The following THEMIS variants were observed in gnomAD, a reference collection of about 807,000 sequenced individuals.
THEMIS encodes thymocyte selection associated, also known as protein THEMIS.
THEMIS carries 37 observed loss-of-function variants against 52.6 expected under a neutral mutation model. The ratio of observed to expected loss-of-function variants is 0.70; its 90% CI spans 0.54 to 0.93. The LOEUF is 0.93. Ranked by LOEUF, THEMIS falls within the 40% of genes least tolerant of loss-of-function variation. The pLI is 0.00. For missense variants in THEMIS, 808 were observed against 763.1 expected (o/e 1.06, Z -0.69); for synonymous variants, 292 against 272.7 (o/e 1.07, Z -0.70).
At chr6:127,729,565 G>C (rs1465360944) in intron 4 of THEMIS, among the ~76,000 whole-genome samples, 1 of 152,072 alleles carries the variant, frequency 6.6e-6, no homozygotes, top group Non-Finnish European at 1.5e-5. Context: ...AAAATGTCCA[G>C]TCCTTTTTCC....
rs117960986 is a variant in THEMIS at position 127,782,187 on chromosome 6, G to A, written c.1758+30696C>T. 1.1e-3 allele frequency among the ~76,000 whole-genome samples: 170 copies of A among 152,262 alleles called. 1 individual carries two copies. In the East Asian group the frequency reaches 0.025, roughly 22 times the overall value. On this transcript the variant is annotated intron_variant, in intron 4 of 5. Coordinates refer to ENST00000368248, the MANE Select transcript of THEMIS (RefSeq NM_001010923.3). Reference sequence around the variant, plus strand: ...GCTCCCAAGTCAACTTTAGACTGCTGTGCTGGTAGCGAGAATTTCAAGCCA... The same window carrying A: ...GCTCCCAAGTCAACTTTAGACTGCTATGCTGGTAGCGAGAATTTCAAGCCA...
intron 4 of THEMIS, among the ~76,000 whole-genome samples, chr6:127,794,069 G>C (rs973892911): frequency 6.6e-6 from 1 of 152,188 alleles, no homozygotes; most frequent in Non-Finnish European, 1.5e-5. Context: ...GTCAGAATTG[G>C]AGAAGTTATA....
intron 1 of THEMIS, among the ~76,000 whole-genome samples, chr6:127,915,639 C>A (rs558040542): frequency 6.7e-6 from 1 of 148,828 alleles, no homozygotes; most frequent in South Asian, 2.2e-4. Context: ...ACACATAAAC[C>A]TTTAATACCA....
intron 5 of THEMIS, among the ~76,000 whole-genome samples, chr6:127,717,613 G>A (rs1774214377): frequency 6.6e-6 from 1 of 151,764 alleles, no homozygotes; most frequent in South Asian, 2.1e-4. Flanking sequence ...CTCTTGGCTG[G>A]AATAGAGTCT....
chr6:127,868,473 C>T (rs2114370292), intron 1 of THEMIS: 1 of 985,326 alleles, frequency 1.0e-6, no homozygotes, highest in Admixed American at 6.1e-5. Context: ...TCAGCATTTC[C>T]CAACCTTCCA....
chr6:127,810,435 T>C (rs1777864089), intron 4 of THEMIS, among the ~76,000 whole-genome samples: 1 of 152,172 alleles, frequency 6.6e-6, no homozygotes, highest in Non-Finnish European at 1.5e-5. Context: ...TGTGTTTTTA[T>C]TATGTGGGCA....
intron 4 of THEMIS, among the ~76,000 whole-genome samples, chr6:127,776,950 A>C (rs758994960): frequency 3.3e-5 from 5 of 152,132 alleles, no homozygotes; most frequent in Non-Finnish European, 7.4e-5. Context: ...TCCTTGCCCT[A>C]AAGTCCATTT....
chr6:127,740,126 G>A (rs1049026332), intron 4 of THEMIS, among the ~76,000 whole-genome samples: 3 of 152,192 alleles, frequency 2.0e-5, no homozygotes, highest in Admixed American at 2.0e-4. Flanking sequence ...TCCAGGGAAA[G>A]AAGGAGGAAA....
rs1414036597 is a variant in THEMIS at position 127,709,981 on chromosome 6, C to T, written c.*4G>A. On this transcript the variant is annotated 3_prime_UTR_variant, in exon 6 of 6. Transcript: ENST00000368248. Reference sequence around the variant, plus strand: ...GCTGCCTAAGTGGCTTCTGTCACATCTTGTTATTTTTGATGTTTTTCATTT... The same window carrying T: ...GCTGCCTAAGTGGCTTCTGTCACATTTTGTTATTTTTGATGTTTTTCATTT... 1.3e-6 allele frequency: 2 copies of T among 1,588,360 alleles called. No homozygotes were observed. The highest frequency in any genetic ancestry group is 2.3e-5 in the South Asian group (2 of 86,348).
At chr6:127,835,705 A>T (rs147191097) in intron 2 of THEMIS, among the ~76,000 whole-genome samples, 1 of 152,268 alleles carries the variant, frequency 6.6e-6, no homozygotes, top group African/African-American at 2.4e-5. Context: ...AGATAACAAA[A>T]TATATGGAAT....
chr6:127,770,279 C>A (rs1398613019), intron 4 of THEMIS, among the ~76,000 whole-genome samples: 1 of 152,206 alleles, frequency 6.6e-6, no homozygotes, highest in African/African-American at 2.4e-5. Flanking sequence ...TCGTCTCCAG[C>A]ACCTATTGTT....
intron 4 of THEMIS, among the ~76,000 whole-genome samples, chr6:127,722,730 T>G (rs1774404363): frequency 6.6e-6 from 1 of 151,986 alleles, no homozygotes. Context: ...AAAACATGTC[T>G]GCTACTTTGA....
chr6:127,735,090 T>A (rs1413117401), intron 4 of THEMIS, among the ~76,000 whole-genome samples: 6 of 151,410 alleles, frequency 4.0e-5, no homozygotes, highest in African/African-American at 1.5e-4. Context: ...TATTGTTAGA[T>A]CTATAGTCTC....
chr6:127,798,220 C>G (rs887590508), intron 4 of THEMIS, among the ~76,000 whole-genome samples: 1 of 152,086 alleles, frequency 6.6e-6, no homozygotes, highest in South Asian at 2.1e-4. Context: ...AAATAGCGTG[C>G]CTTACTCTTA....
chr6:127,740,055 A>C (rs1775145737), intron 4 of THEMIS, among the ~76,000 whole-genome samples: 2 of 152,180 alleles, frequency 1.3e-5, no homozygotes, highest in South Asian at 4.1e-4. Flanking sequence ...CAGGGTTGGA[A>C]AAGAGCCATT....
intron 1 of THEMIS, among the ~76,000 whole-genome samples, chr6:127,911,834 G>A (rs1376746798): frequency 6.6e-6 from 1 of 151,542 alleles, no homozygotes; most frequent in Non-Finnish European, 1.5e-5. Flanking sequence ...CCCCCACACA[G>A]AGTCCCCACT....
At chr6:127,841,120 A>G (rs1779033562) in intron 2 of THEMIS, among the ~76,000 whole-genome samples, 1 of 152,070 alleles carries the variant, frequency 6.6e-6, no homozygotes, top group South Asian at 2.1e-4. Context: ...TGATGTGTCA[A>G]TGAAGGTTCA....
At chr6:127,876,577 C>A (rs1377547651) in intron 1 of THEMIS, among the ~76,000 whole-genome samples, 1 of 152,138 alleles carries the variant, frequency 6.6e-6, no homozygotes, top group Non-Finnish European at 1.5e-5. Flanking sequence ...GTGAAACCCA[C>A]AAATATGCAG....
At position 127,709,221 on chromosome 6, in the gene THEMIS, C is replaced by G. The variant is rs113132584; in HGVS notation, c.*764G>C. 1.8e-4 allele frequency: 28 copies of G among 151,964 alleles called. 1 individual carries two copies. Among genetic ancestry groups the G allele is most frequent in the African/African-American group, 6.7e-4 (28 of 41,492 alleles). The allele number at this position is 151,964 out of a possible 1,614,324, so 9.4% of individuals were successfully genotyped here. A position where few individuals can be genotyped will look rare whatever the true frequency, so the allele number is the denominator to read the frequency against. ...TCTTTCCATCAAATATTATGATTAA[C>G]TAGATAATTTTCCTACAATCCTAAG... On this transcript the variant is annotated 3_prime_UTR_variant, in exon 6 of 6. Transcript: ENST00000368248.
Sources: gnomAD v4.1 joint callset for allele counts (sites outside exome capture counted in the v4.1 genomes callset) on GRCh38, gnomAD v4.1.1 for gene constraint, MANE v1.5 for transcripts, NCBI Gene and HGNC (gene_info 2026-07-23, HGNC 2026-07-21) for gene names.